The following ZSWIM5 variants were observed in gnomAD, a reference collection of about 807,000 sequenced individuals.
The protein encoded by ZSWIM5 is zinc finger SWIM-type containing 5, also known as zinc finger SWIM domain-containing protein 5.
A neutral mutation model predicts 119.6 loss-of-function variants in ZSWIM5; 55 were observed. The observed-to-expected ratio is 0.46, with a 90% CI of 0.37 to 0.58. The LOEUF is 0.58. Among genes scored for constraint, ZSWIM5 ranks in the 20% least tolerant of loss-of-function variants. ZSWIM5 has a pLI of 0.00. For missense variants in ZSWIM5, 1,193 were observed against 1,512.8 expected (o/e 0.79, Z 3.51); for synonymous variants, 537 against 606.9 (o/e 0.88, Z 1.69).
intron 2 of ZSWIM5, among the ~76,000 whole-genome samples, chr1:45,064,518 A>G (rs1461279571): frequency 6.6e-6 from 1 of 152,218 alleles, no homozygotes; most frequent in African/African-American, 2.4e-5. Flanking sequence ...AAGAAAACAA[A>G]TATACTCCTT....
chr1:45,206,513 G>C lies in ZSWIM5; in HGVS notation c.-163C>G, dbSNP rs1299324761. ...CCGGCCCGAGTGGGGAACCGCGGCCGGGCCCGGGAGCGCGCCGCGAGGGCA... is the reference window on the plus strand; with the variant it reads ...CCGGCCCGAGTGGGGAACCGCGGCCCGGCCCGGGAGCGCGCCGCGAGGGCA... On this transcript the variant is annotated 5_prime_UTR_variant, in exon 1 of 14. Transcript: ENST00000359600. The C allele has an allele frequency of 9.3e-7, 1 of 1,079,830 alleles. No homozygotes were observed. The highest frequency in any genetic ancestry group is 6.3e-5 in the East Asian group (1 of 15,806). 66.9% of individuals were successfully genotyped at this position (1,079,830 alleles called of 1,614,324 possible).
intron 11 of ZSWIM5, 28 bp downstream of exon 11, chr1:45,034,284 C>A: frequency 6.4e-7 from 1 of 1,551,976 alleles, no homozygotes; most frequent in Non-Finnish European, 8.7e-7. Context: ...ACGGGTGATG[C>A]TGGAGCTTAA....
intron 1 of ZSWIM5, among the ~76,000 whole-genome samples, chr1:45,127,612 T>A (rs549271459): frequency 3.3e-5 from 5 of 149,346 alleles, no homozygotes; most frequent in East Asian, 3.9e-4. Flanking sequence ...AAAAAAAAAA[T>A]TTTTTTTTTA....
intron 1 of ZSWIM5, among the ~76,000 whole-genome samples, chr1:45,154,284 T>C (rs1305371113): frequency 6.6e-6 from 1 of 151,976 alleles, no homozygotes; most frequent in African/African-American, 2.4e-5. Context: ...AGAGCCCACA[T>C]AGCCAAAGCT....
intron 1 of ZSWIM5, among the ~76,000 whole-genome samples, chr1:45,100,418 G>C (rs979716502): frequency 6.6e-6 from 1 of 152,076 alleles, no homozygotes; most frequent in Non-Finnish European, 1.5e-5. Context: ...ACAAATGGAA[G>C]AACATTCCAT....
chr1:45,124,370 C>G (rs116746846), intron 1 of ZSWIM5, among the ~76,000 whole-genome samples: 1 of 152,044 alleles, frequency 6.6e-6, no homozygotes, highest in African/African-American at 2.4e-5. Context: ...CTATACTTCA[C>G]TTGAAGTGGT....
intron 6 of ZSWIM5, among the ~76,000 whole-genome samples, chr1:45,041,622 C>T (rs1408744595): frequency 9.3e-5 from 14 of 150,866 alleles, no homozygotes; most frequent in South Asian, 6.3e-4. Context: ...CTGCAACCTC[C>T]GCCTCCCAGG....
chr1:45,206,255 G>T lies in ZSWIM5; in HGVS notation c.96C>A (p.His32Gln). Reference sequence around the variant, plus strand: ...CGGCTGCCCCAGGCGAACCGCGAGGGTGATGAGCCTGCGGGCTGGGCCACG... The same window carrying T: ...CGGCTGCCCCAGGCGAACCGCGAGGTTGATGAGCCTGCGGGCTGGGCCACG... ...QCSWPSPQAH[H>Q]PRGSPGAAGG... is the part of the protein sequence containing the mutation. The change falls in exon 1 of 14, where the codon CAC becomes CAA. Residue 32 changes from histidine to glutamine, a missense_variant. His to Gln is a conservative substitution (Grantham distance 24). Around this residue, in one of 2 missense-constraint regions of ZSWIM5, gnomAD observed 232 missense variants for 222.9 expected, o/e 1.04. Transcript: ENST00000359600. 6.3e-7 allele frequency: 1 copy of T among 1,584,900 alleles called. No individual in the cohort carries two copies. The highest frequency in any genetic ancestry group is 1.3e-5 in the African/African-American group (1 of 74,446).
At chr1:45,197,861 C>T (rs1305135409) in intron 1 of ZSWIM5, among the ~76,000 whole-genome samples, 1 of 152,136 alleles carries the variant, frequency 6.6e-6, no homozygotes, top group Non-Finnish European at 1.5e-5. Context: ...AGAACAAATA[C>T]CAAATTTATG....
At chr1:45,190,989 C>T (rs1204219296) in intron 1 of ZSWIM5, among the ~76,000 whole-genome samples, 2 of 129,492 alleles carry the variant, frequency 1.5e-5, no homozygotes, top group African/African-American at 6.0e-5. Flanking sequence ...CTCTTTCGCC[C>T]AGGCCGGAGT....
intron 1 of ZSWIM5, among the ~76,000 whole-genome samples, chr1:45,160,535 T>G (rs940622149): frequency 5.9e-5 from 9 of 152,212 alleles, no homozygotes; most frequent in African/African-American, 2.2e-4. Context: ...GGTATCTGTC[T>G]TTCTGTGCTT....
At chr1:45,191,370 A>C (rs1646092474) in intron 1 of ZSWIM5, among the ~76,000 whole-genome samples, 1 of 152,186 alleles carries the variant, frequency 6.6e-6, no homozygotes, top group South Asian at 2.1e-4. Flanking sequence ...CTGTCTGATG[A>C]AAGCACTTCC....
intron 1 of ZSWIM5, among the ~76,000 whole-genome samples, chr1:45,195,662 G>C (rs1033150519): frequency 3.3e-5 from 5 of 151,962 alleles, no homozygotes; most frequent in African/African-American, 9.7e-5. Context: ...TTGGAATAAG[G>C]CCTCTCCAAA....
At chr1:45,058,507 T>G (rs1407220896) in intron 4 of ZSWIM5, 102 bp downstream of exon 4, 3 of 1,465,556 alleles carry the variant, frequency 2.0e-6, no homozygotes, top group Admixed American at 1.9e-5. Context: ...CCAGCTGGAC[T>G]TAGCAAGATC....
At chr1:45,136,636 A>T (rs571765954) in intron 1 of ZSWIM5, among the ~76,000 whole-genome samples, 1 of 152,102 alleles carries the variant, frequency 6.6e-6, no homozygotes, top group Non-Finnish European at 1.5e-5. Context: ...TATATGGAAA[A>T]CTGTAGAAAT....
intron 12 of ZSWIM5, 123 bp downstream of exon 12, chr1:45,020,502 G>C (rs1644881370): frequency 6.8e-6 from 8 of 1,180,428 alleles, no homozygotes; most frequent in Admixed American, 2.3e-5. Context: ...CCTAGAACTT[G>C]TGTTCTGGGC....
At chr1:45,094,705 T>C (rs1285862304) in intron 1 of ZSWIM5, among the ~76,000 whole-genome samples, 3 of 151,772 alleles carry the variant, frequency 2.0e-5, no homozygotes, top group Non-Finnish European at 2.9e-5. Context: ...CCATGAAAAG[T>C]ACAAAAAATT....
intron 1 of ZSWIM5, among the ~76,000 whole-genome samples, chr1:45,149,947 C>T (rs981585357): frequency 1.1e-4 from 16 of 151,814 alleles, no homozygotes; most frequent in Admixed American, 6.6e-5. Context: ...AGTGGAAGGA[C>T]CACTTGAGGC....
chr1:45,139,374 T>C (rs1200549380), intron 1 of ZSWIM5, among the ~76,000 whole-genome samples: 1 of 149,852 alleles, frequency 6.7e-6, no homozygotes, highest in East Asian at 2.0e-4. Flanking sequence ...TTCTTTTTTT[T>C]TCTCTCTCTC....
Sources: allele counts gnomAD v4.1 joint callset (sites outside exome capture counted in the v4.1 genomes callset), GRCh38; gene constraint gnomAD v4.1.1; regional missense constraint gnomAD v4.1.1; transcripts MANE v1.5; gene names NCBI Gene and HGNC (gene_info 2026-07-23, HGNC 2026-07-21).